Variants in FANCD2 observed in about 807,000 individuals in gnomAD.
FANCD2 encodes FA complementation group D2.
In FANCD2, 131 loss-of-function variants were observed where a neutral mutation model predicts 192.3. The observed-to-expected ratio is 0.68, with a 90% CI of 0.59 to 0.79. The LOEUF is 0.79. FANCD2 is among the 30% of genes least tolerant of loss of function. FANCD2 has a pLI of 0.00. For synonymous variants in FANCD2, 524 were observed against 612.5 expected (o/e 0.86, Z 2.13); for missense variants, 1,508 against 1,701.6 (o/e 0.89, Z 2.00).
At chr3:10,098,448 A>G (rs573087858) in intron 42 of FANCD2, among the ~76,000 whole-genome samples, 3 of 152,288 alleles carry the variant, frequency 2.0e-5, no homozygotes, top group South Asian at 2.1e-4. Context: ...AGTCACCAAT[A>G]CAGTCTAGCC....
rs780958816 is a variant in FANCD2, at chr3:10,072,887, C to A, written c.2511C>A (p.Val837=). Residue 837 remains valine, a synonymous_variant, in exon 27 of 44, where the codon GTC becomes GTA. Coordinates refer to ENST00000675286, the MANE Select transcript of FANCD2 (RefSeq NM_001018115.3). ...TTGTTTCAGTCACCCCAGACTATGT[C>A]CCTCCTCTTGGAAACTTTGATGTGG... ...EKYLAVTPDY[V]PPLGNFDVET... 8.1e-6 allele frequency: 13 copies of A among 1,601,522 alleles called. No individual in the cohort carries two copies. The highest frequency in any genetic ancestry group is 9.4e-6 in the Non-Finnish European group (11 of 1,169,542).
intron 9 of FANCD2, chr3:10,040,493 C>A (rs1451161297): frequency 2.2e-6 from 1 of 456,540 alleles, no homozygotes. Context: ...ACATTAAAAT[C>A]ATTTGTGGAG....
intron 42 of FANCD2, 77 bp from the exon 43 acceptor site, chr3:10,098,643 G>T (rs1695120885): frequency 6.4e-7 from 1 of 1,556,308 alleles, no homozygotes; most frequent in South Asian, 1.2e-5. Context: ...TGTATTGCCT[G>T]TAAACTCAAC....
rs759252565 is a variant in FANCD2 at position 10,085,872 on chromosome 3, T to G, written c.3285T>G (p.Ser1095Arg). ...TGTATTCAGCCCTCCATGTCCTTAG[T>G]AGCCGACTGAAACAGGGAGAACACA... Reference protein sequence around the residue: ...NLLYSALHVLSSRLKQGEHSQ... With the variant: ...NLLYSALHVLRSRLKQGEHSQ... Residue 1095 changes from serine to arginine, a missense_variant, in exon 33 of 44, where the codon AGT becomes AGG. Ser to Arg is a moderately radical substitution (Grantham distance 110, BLOSUM62 -1). Around this residue, in one of 5 missense-constraint regions of FANCD2, gnomAD observed 796 missense variants for 879.4 expected, o/e 0.91. Coordinates refer to ENST00000675286, the MANE Select transcript of FANCD2 (RefSeq NM_001018115.3). The G allele has an allele frequency of 1.2e-6, 2 of 1,613,914 alleles. No homozygotes were observed. The highest frequency in any genetic ancestry group is 8.5e-7 in the Non-Finnish European group (1 of 1,179,822).
chr3:10,089,025 G>A (rs1024182947), intron 36 of FANCD2, 75 bp downstream of exon 36: 1 of 1,534,506 alleles, frequency 6.5e-7, no homozygotes. Context: ...GCACACACCT[G>A]TAATCCCAGC....
rs2086636777 is a variant in FANCD2 at position 10,032,864 on chromosome 3, A to G, written c.97A>G (p.Lys33Glu). Residue 33 changes from lysine to glutamate, a missense_variant, in exon 3 of 44, where the codon AAG (lysine) becomes GAG (glutamate). This residue lies in a region of FANCD2 where 435 missense variants were observed against 421.9 expected (regional missense o/e 1.03). Coordinates refer to ENST00000675286, the MANE Select transcript of FANCD2 (RefSeq NM_001018115.3). ...GAAGCAACCACTTTCCAAAAAGACAAAGAAATCTCATATTGCTAATGAAGT... is the reference window on the plus strand; with the variant it reads ...GAAGCAACCACTTTCCAAAAAGACAGAGAAATCTCATATTGCTAATGAAGT... The part of the protein sequence containing the change: ...TRKQPLSKKT[K>E]KSHIANEVEE... 1 of 1,613,148 alleles carries G rather than the reference A, an allele frequency of 6.2e-7. No individual in the cohort carries two copies. The highest frequency in any genetic ancestry group is 1.7e-5 in the Admixed American group (1 of 59,986).
At position 10,039,705 on chromosome 3, in the gene FANCD2, G is replaced by C. The variant is rs984303793; in HGVS notation, c.571-16G>C. 1 of 1,613,958 alleles carries C rather than the reference G, an allele frequency of 6.2e-7. No homozygotes were observed. The highest frequency in any genetic ancestry group is 1.1e-5 in the South Asian group (1 of 91,038). On this transcript the variant is annotated splice_polypyrimidine_tract_variant and intron_variant, in intron 8 of 43. Coordinates refer to ENST00000675286, the MANE Select transcript of FANCD2 (RefSeq NM_001018115.3). Reference sequence around the variant, plus strand: ...TGGGTAATGTGCTGCAGTTCTAATAGTGTCTTCTACTGCAGGACCTCACCA... The same window carrying C: ...TGGGTAATGTGCTGCAGTTCTAATACTGTCTTCTACTGCAGGACCTCACCA...
At chr3:10,099,663 CAGG>C (rs1173628257) in intron 43 of FANCD2, 1 of 153,330 alleles carries the variant, frequency 6.5e-6, no homozygotes, top group East Asian at 1.9e-4. Context: ...GAGGCTGAGG[CAGG>C]AGAATCACTT....
rs1241948434 is a variant in FANCD2 at position 10,095,335 on chromosome 3, TGGG to T, written c.4038+64_4038+66del. 3.0e-5 allele frequency: 40 copies of T among 1,339,586 alleles called. No individual in the cohort carries two copies. The Middle Eastern group carries it at 5.9e-3, about 198-fold the overall frequency. The allele number at this position is 1,339,586 out of a possible 1,614,324, so 83.0% of individuals were successfully genotyped here. The stretch of plus-strand genomic sequence containing the variant: ...TGTTGGCTTAATCTGCAGTTGCTAT[TGGG>T]GGATCCATGGGCTACCATCCTTCTT... On this transcript the variant is annotated intron_variant, in intron 41 of 43. Transcript: ENST00000675286.
At chr3:10,099,126 C>T (rs969649303) in intron 43 of FANCD2, 48 of 1,483,360 alleles carry the variant, frequency 3.2e-5, no homozygotes, top group African/African-American at 1.4e-4. Flanking sequence ...GAGAAGTCAT[C>T]GAAGTATTTT....
Position 10,032,841 on chromosome 3 carries a change from A to G in FANCD2, c.74A>G (p.Lys25Arg), listed in dbSNP as rs1479427348. 2.5e-6 allele frequency: 4 copies of G among 1,612,898 alleles called. No homozygotes were observed. The highest frequency in any genetic ancestry group is 3.4e-6 in the Non-Finnish European group (4 of 1,179,406). Residue 25 changes from lysine (K) to arginine (R), a missense_variant, in exon 3 of 44, where the codon AAG (lysine) becomes AGG (arginine). Coordinates refer to ENST00000675286, the MANE Select transcript of FANCD2 (RefSeq NM_001018115.3). Reference sequence around the variant, plus strand: ...ATTTTTCTATTTTCAGAAACCAGGAAGCAACCACTTTCCAAAAAGACAAAG... The same window carrying G: ...ATTTTTCTATTTTCAGAAACCAGGAGGCAACCACTTTCCAAAAAGACAAAG... ...SLTEDASKTRKQPLSKKTKKS... is the reference protein window; with the variant it reads ...SLTEDASKTRRQPLSKKTKKS...
At position 10,096,315 on chromosome 3, in the gene FANCD2, T is replaced by C; in HGVS notation, c.4039-11T>C. On this transcript the variant is annotated splice_polypyrimidine_tract_variant and intron_variant, in intron 41 of 43. Coordinates refer to ENST00000675286, the MANE Select transcript of FANCD2 (RefSeq NM_001018115.3). ...ACTCACAAAAGATGGATGTTATTTA[T>C]TTCCATTCAGATTCACCAGGACACG... 1 of 1,613,880 alleles carries C rather than the reference T, an allele frequency of 6.2e-7. No individual in the cohort carries two copies. Among genetic ancestry groups the C allele is most frequent in the East Asian group, 2.2e-5 (1 of 44,890 alleles).
rs1313435298 is a variant in FANCD2 at position 10,042,668 on chromosome 3, G to A, written c.888+5G>A. 6 of 1,607,600 alleles carry A rather than the reference G, an allele frequency of 3.7e-6. No homozygotes were observed. Among genetic ancestry groups the A allele is most frequent in the South Asian group, 2.2e-5 (2 of 90,948 alleles). On this transcript the variant is annotated splice_donor_5th_base_variant and intron_variant, in intron 11 of 43. Transcript: ENST00000675286. ...ACAGCCATGGATACACTTGAGGTATGCTCTTATATCCCATCACACCTAGAT... is the reference window on the plus strand; with the variant it reads ...ACAGCCATGGATACACTTGAGGTATACTCTTATATCCCATCACACCTAGAT...
In FANCD2 at chr3:10,078,089, A is replaced by T. The variant is rs1375055065; in HGVS notation, c.2868A>T (p.Glu956Asp). 1.9e-6 allele frequency: 3 copies of T among 1,610,098 alleles called. No homozygotes were observed. In the African/African-American group the frequency reaches 4.0e-5, roughly 22 times the overall value. Residue 956 changes from glutamate (E) to aspartate (D), a missense_variant, in exon 30 of 44, where the codon GAA (glutamate) becomes GAT (aspartate). This residue lies in a region of FANCD2 where 796 missense variants were observed against 879.4 expected (regional missense o/e 0.91). Coordinates refer to ENST00000675286, the MANE Select transcript of FANCD2 (RefSeq NM_001018115.3). The part of the protein sequence containing the change: ...LDTEMHTEAT[E>D]VVQLGPPELL... Reference sequence around the variant, plus strand: ...TTTCCTCCATGTGACAGGCTACAGAAGTTGTGCAACTTGGGCCCCCTGAGC... The same window carrying T: ...TTTCCTCCATGTGACAGGCTACAGATGTTGTGCAACTTGGGCCCCCTGAGC...
intron 19 of FANCD2, 43 bp downstream of exon 19, chr3:10,060,446 A>G (rs772307876): frequency 3.5e-6 from 5 of 1,427,804 alleles, no homozygotes; most frequent in East Asian, 4.5e-5. Context: ...AGATCAGTTA[A>G]TCTTGCTAAC....
At chr3:10,094,446 G>A in intron 40 of FANCD2, 83 bp downstream of exon 40, 1 of 1,178,566 alleles carries the variant, frequency 8.5e-7, no homozygotes, top group Non-Finnish European at 1.3e-6. Context: ...GGGTGGGGCT[G>A]GGAGTGTTCT....
chr3:10,040,571 C>T lies in FANCD2; in HGVS notation c.695+726C>T, dbSNP rs36051635. 1.1e-3 allele frequency: 518 copies of T among 456,562 alleles called. 8 individuals carry two copies. In the Admixed American group the frequency reaches 0.012, roughly 10 times the overall value. The allele number at this position is 456,562 out of a possible 1,614,324, so 28.3% of individuals were successfully genotyped here. The stretch of plus-strand genomic sequence containing the variant: ...TCTAATGCACAGTCCTGCATCAGAC[C>T]GCTTGCGGAGACCCATTGCTTACTG... On this transcript the variant is annotated intron_variant, in intron 9 of 43. Transcript: ENST00000675286.
At chr3:10,089,976 G>A (rs1347110442) in intron 36 of FANCD2, among the ~76,000 whole-genome samples, 1 of 152,186 alleles carries the variant, frequency 6.6e-6, no homozygotes, top group African/African-American at 2.4e-5. Flanking sequence ...GAGAGCTAGA[G>A]AACTTCTCAA....
rs534027898 is a variant in FANCD2 at position 10,057,066 on chromosome 3, G to T, written c.1657-3228G>T. On this transcript the variant is annotated intron_variant, in intron 18 of 43. Transcript: ENST00000675286. The stretch of plus-strand genomic sequence containing the variant: ...ACATTATGTTTTGTCATGTTACCCA[G>T]ACTGGTTTGGAACGCTTGAGCTCAG... 2.4e-4 allele frequency among the ~76,000 whole-genome samples: 36 copies of T among 152,252 alleles called. 1 individual carries two copies. In the South Asian group the frequency reaches 6.8e-3, roughly 29 times the overall value.
Sources: allele counts gnomAD v4.1 joint callset (sites outside exome capture counted in the v4.1 genomes callset), GRCh38; gene constraint gnomAD v4.1.1; regional missense constraint gnomAD v4.1.1; transcripts MANE v1.5; gene names NCBI Gene and HGNC (gene_info 2026-07-23, HGNC 2026-07-21).